The following UBR3 variants were observed in gnomAD, a reference collection of about 807,000 sequenced individuals.
UBR3 encodes ubiquitin protein ligase E3 component n-recognin 3, also known as E3 ubiquitin-protein ligase UBR3.
A neutral mutation model predicts 243.2 loss-of-function variants in UBR3; 85 were observed. That is an observed-to-expected ratio of 0.35 (90% CI 0.29 to 0.42). The LOEUF (loss-of-function observed/expected upper bound fraction) is 0.42, where lower values mean the gene tolerates loss of function less well. Ranked by LOEUF, UBR3 falls within the 10% of genes least tolerant of loss-of-function variation. The pLI is 1.00. For missense variants in UBR3, 1,686 were observed against 2,300.8 expected (o/e 0.73, Z 5.47); for synonymous variants, 748 against 799.8 (o/e 0.94, Z 1.09).
intron 29 of UBR3, among the ~76,000 whole-genome samples, chr2:170,013,273 A>G (rs1241915277): frequency 1.3e-5 from 2 of 151,198 alleles, no homozygotes; most frequent in Non-Finnish European, 2.9e-5. Flanking sequence ...TATATGAAAC[A>G]AAGAAAAGTT....
At chr2:169,836,197 C>T (rs757641485) in intron 1 of UBR3, among the ~76,000 whole-genome samples, 10 of 147,566 alleles carry the variant, frequency 6.8e-5, no homozygotes, top group Non-Finnish European at 1.3e-4. Flanking sequence ...AATTCTCCTG[C>T]CTCAGCCGCC....
intron 25 of UBR3, among the ~76,000 whole-genome samples, chr2:169,991,216 AC>A (rs1004440647): frequency 3.9e-5 from 6 of 152,216 alleles, no homozygotes; most frequent in Non-Finnish European, 8.8e-5. Context: ...GCAAAAATGG[AC>A]AGAATTGAAG....
At chr2:170,073,681 A>G (rs1022705284) in intron 36 of UBR3, 74 bp downstream of exon 36, 18 of 1,462,386 alleles carry the variant, frequency 1.2e-5, no homozygotes, top group Non-Finnish European at 1.7e-5. Flanking sequence ...GAGGACTGTT[A>G]AATTTTAGGT....
intron 30 of UBR3, among the ~76,000 whole-genome samples, chr2:170,024,353 C>A (rs78136420): frequency 3.0e-4 from 31 of 101,948 alleles, no homozygotes; most frequent in Non-Finnish European, 3.8e-4. Context: ...GACTCCATCT[C>A]AAAAAAAAAA....
At chr2:169,890,581 G>GTATATATATGTATA (rs1559064410) in intron 5 of UBR3, among the ~76,000 whole-genome samples, 1 of 96,528 alleles carries the variant, frequency 1.0e-5, no homozygotes, top group African/African-American at 5.0e-5. Context: ...ATATATATAT[G>GTATATATATGTATA]TATATATATA....
intron 23 of UBR3, among the ~76,000 whole-genome samples, chr2:169,952,467 T>C (rs545311632): frequency 3.9e-5 from 6 of 152,132 alleles, no homozygotes; most frequent in Admixed American, 6.5e-5. Context: ...GAGGCCGAGG[T>C]GAGTGGATCA....
At chr2:169,913,671 C>T (rs2085343059) in intron 10 of UBR3, among the ~76,000 whole-genome samples, 1 of 152,104 alleles carries the variant, frequency 6.6e-6, no homozygotes, top group Admixed American at 6.5e-5. Context: ...CAGAGTTGTA[C>T]AACTGTCGCT....
Position 169,927,323 on chromosome 2 carries a change from T to C in UBR3, c.2342T>C (p.Met781Thr). 2 of 1,548,826 alleles carry C rather than the reference T, an allele frequency of 1.3e-6. No homozygotes were observed. Among genetic ancestry groups the C allele is most frequent in the Middle Eastern group, 1.7e-4 (1 of 5,976 alleles). Residue 781 changes from methionine to threonine, a missense_variant, in exon 17 of 39, where the codon ATG becomes ACG. Met to Thr is a moderately conservative substitution (Grantham distance 81, BLOSUM62 -1). Coordinates refer to ENST00000272793, the MANE Select transcript of UBR3 (RefSeq NM_172070.4). ...ATTCCGTTTTTAATAATTTTAGGAA[T>C]GTCTGATGATGAGATTCTCAGGGCC... ...ILLSLRLHLG[M>T]SDDEILRAEM...
chr2:169,868,402 C>T (rs188900683), intron 1 of UBR3, among the ~76,000 whole-genome samples: 50 of 152,196 alleles, frequency 3.3e-4, no homozygotes, highest in Middle Eastern at 6.8e-3. Flanking sequence ...AGTGCAGTGG[C>T]GCACGATCTC....
intron 33 of UBR3, among the ~76,000 whole-genome samples, chr2:170,059,922 T>G (rs1471166441): frequency 6.6e-6 from 1 of 152,188 alleles, no homozygotes; most frequent in Non-Finnish European, 1.5e-5. Flanking sequence ...ATTTTTGTTA[T>G]GCAGAGGGAT....
intron 8 of UBR3, among the ~76,000 whole-genome samples, chr2:169,903,696 GT>G (rs1239265678): frequency 6.6e-6 from 1 of 152,160 alleles, no homozygotes; most frequent in Non-Finnish European, 1.5e-5. Flanking sequence ...TAGATAGGTA[GT>G]TGAATAAGTT....
intron 18 of UBR3, among the ~76,000 whole-genome samples, chr2:169,929,924 A>G (rs1172330366): frequency 1.3e-5 from 2 of 152,218 alleles, no homozygotes; most frequent in Non-Finnish European, 2.9e-5. Flanking sequence ...GCAAAGCAGA[A>G]CAGAAAAGCC....
intron 11 of UBR3, among the ~76,000 whole-genome samples, chr2:169,919,506 A>G (rs2085604526): frequency 6.6e-6 from 1 of 152,248 alleles, no homozygotes; most frequent in South Asian, 2.1e-4. Flanking sequence ...AGAAGAAACT[A>G]CGATCAGAGT....
chr2:169,902,719 C>G (rs113367105), intron 8 of UBR3, among the ~76,000 whole-genome samples: 6,560 of 151,860 alleles, frequency 0.043, 164 homozygotes, highest in Middle Eastern at 0.068. Flanking sequence ...AAGTGATTCT[C>G]CTGCCTCAGC....
At chr2:169,882,837 G>A (rs936750839) in intron 5 of UBR3, among the ~76,000 whole-genome samples, 2 of 152,080 alleles carry the variant, frequency 1.3e-5, no homozygotes, top group African/African-American at 4.8e-5. Context: ...ATGACTGCTT[G>A]AGCTAAAAGG....
chr2:170,042,663 TG>T (rs527949731), intron 32 of UBR3, among the ~76,000 whole-genome samples: 228 of 118,884 alleles, frequency 1.9e-3, no homozygotes, highest in Middle Eastern at 0.014. Flanking sequence ...CACTCTAGCC[TG>T]GGTGACAGAA....
At chr2:169,926,769 G>T (rs1217871599) in intron 15 of UBR3, 25 bp downstream of exon 15, 1 of 1,545,334 alleles carries the variant, frequency 6.5e-7, no homozygotes, top group South Asian at 1.2e-5. Context: ...ATTAAGACAG[G>T]TATTAGGAAG....
chr2:170,000,832 A>G (rs2089668392), intron 26 of UBR3, among the ~76,000 whole-genome samples: 2 of 152,216 alleles, frequency 1.3e-5, no homozygotes, highest in Admixed American at 1.3e-4. Context: ...AGCAAAGAAA[A>G]AAAGATCCTT....
intron 32 of UBR3, among the ~76,000 whole-genome samples, chr2:170,041,304 T>G (rs953351953): frequency 6.6e-6 from 1 of 152,230 alleles, no homozygotes; most frequent in African/African-American, 2.4e-5. Context: ...AATGAAAAAG[T>G]GTTTTTTAAA....
Sources: allele counts gnomAD v4.1 joint callset (sites outside exome capture counted in the v4.1 genomes callset), GRCh38; gene constraint gnomAD v4.1.1; transcripts MANE v1.5; gene names NCBI Gene and HGNC (gene_info 2026-07-23, HGNC 2026-07-21).